Variants in CUX2 observed in about 807,000 individuals in gnomAD.
CUX2 encodes homeobox protein cut-like 2.
Under a neutral mutation model 144.8 loss-of-function variants are expected in CUX2, and 40 were observed. That is an observed-to-expected ratio of 0.28 (90% CI 0.21 to 0.36). The LOEUF is 0.36. Ranked by LOEUF, CUX2 falls within the 10% of genes least tolerant of loss-of-function variation. The probability of loss-of-function intolerance (pLI) is 1.00; values close to 1 mark genes in which losing one functional copy is unlikely to be tolerated. For synonymous variants in CUX2, 827 were observed against 875.6 expected (o/e 0.94, Z 0.98); for missense variants, 1,615 against 1,994.0 (o/e 0.81, Z 3.62).
chr12:111,117,265 G>A (rs113849551), intron 1 of CUX2, among the ~76,000 whole-genome samples: 12 of 152,236 alleles, frequency 7.9e-5, no homozygotes, highest in Admixed American at 1.3e-4. Context: ...TTTCATACTC[G>A]CATGACCCAT....
chr12:111,228,934 C>T (rs1882320619), intron 3 of CUX2, among the ~76,000 whole-genome samples: 1 of 152,018 alleles, frequency 6.6e-6, no homozygotes, highest in Non-Finnish European at 1.5e-5. Flanking sequence ...AGGCTGACCC[C>T]AGTAAACCAC....
At chr12:111,238,446 T>C (rs1376228025) in intron 3 of CUX2, among the ~76,000 whole-genome samples, 1 of 152,202 alleles carries the variant, frequency 6.6e-6, no homozygotes, top group Non-Finnish European at 1.5e-5. Flanking sequence ...CACTTCATTA[T>C]CCTCCATGAC....
At chr12:111,345,938 C>T (rs1199861849) in intron 21 of CUX2, among the ~76,000 whole-genome samples, 7 of 141,550 alleles carry the variant, frequency 4.9e-5, no homozygotes, top group African/African-American at 1.6e-4. Flanking sequence ...GGTGAAACCC[C>T]GTCTCTACTA....
intron 4 of CUX2, among the ~76,000 whole-genome samples, chr12:111,268,073 A>G (rs1417536152): frequency 1.3e-5 from 2 of 152,170 alleles, no homozygotes; most frequent in Non-Finnish European, 2.9e-5. Context: ...CTGGGATTAC[A>G]GGTGTAAGCC....
intron 1 of CUX2, among the ~76,000 whole-genome samples, chr12:111,098,720 C>G (rs1265582197): frequency 6.7e-6 from 1 of 149,562 alleles, no homozygotes; most frequent in African/African-American, 2.6e-5. Flanking sequence ...TCACCTCCCT[C>G]TCTCTAGCAA....
intron 1 of CUX2, among the ~76,000 whole-genome samples, chr12:111,124,500 A>G (rs1013231942): frequency 3.3e-5 from 5 of 152,164 alleles, no homozygotes; most frequent in African/African-American, 7.2e-5. Flanking sequence ...GGCTCCTATG[A>G]CCTACAGTCA....
At chr12:111,214,416 A>C (rs1313851626) in intron 2 of CUX2, 106 bp downstream of exon 2, 21 of 656,846 alleles carry the variant, frequency 3.2e-5, no homozygotes, top group Non-Finnish European at 5.0e-5. Context: ...ACAAGAAAAG[A>C]AGCTAATTAG....
chr12:111,345,834 G>A (rs1888780356), intron 21 of CUX2, among the ~76,000 whole-genome samples: 1 of 150,892 alleles, frequency 6.6e-6, no homozygotes, highest in African/African-American at 2.4e-5. Flanking sequence ...AACAGGCTGG[G>A]TGCGGTGGCT....
chr12:111,293,443 C>A lies in CUX2; in HGVS notation c.437-3C>A. ...GGGGTTTTCCCTCTTTTTCTCCCTG[C>A]AGAGCAGAGAGAGGGGACGTCGCCT... On this transcript the variant is annotated splice_region_variant and splice_polypyrimidine_tract_variant and intron_variant, in intron 5 of 21. Transcript: ENST00000261726. This position sits in a 1 kb window ranked among gnomAD's most constrained non-coding sequence, Gnocchi z 4.5. The A allele has an allele frequency of 6.2e-7, 1 of 1,606,670 alleles. No homozygotes were observed. The highest frequency in any genetic ancestry group is 8.5e-7 in the Non-Finnish European group (1 of 1,177,514).
chr12:111,254,970 C>A (rs966614787), intron 3 of CUX2, among the ~76,000 whole-genome samples: 5 of 152,164 alleles, frequency 3.3e-5, no homozygotes, highest in Non-Finnish European at 7.3e-5. Context: ...CTGCCTTAGC[C>A]TCCTGAGTAG....
At chr12:111,055,589 G>A (rs1345378151) in intron 1 of CUX2, among the ~76,000 whole-genome samples, 1 of 152,266 alleles carries the variant, frequency 6.6e-6, no homozygotes. Context: ...CTGCCTCCCT[G>A]GAGGGGGCGA....
chr12:111,319,904 A>G, intron 16 of CUX2, 108 bp from the exon 17 acceptor site: 1 of 1,372,722 alleles, frequency 7.3e-7, no homozygotes, highest in Non-Finnish European at 9.4e-7. Context: ...CTGGACACAG[A>G]GGTTGCCTGG....
At chr12:111,145,498 A>C (rs535685705) in intron 1 of CUX2, among the ~76,000 whole-genome samples, 3 of 152,226 alleles carry the variant, frequency 2.0e-5, no homozygotes, top group Non-Finnish European at 4.4e-5. Flanking sequence ...CCTCCCAAGC[A>C]GCTGGGAATA....
chr12:111,120,324 C>T (rs1874570132), intron 1 of CUX2, among the ~76,000 whole-genome samples: 1 of 152,064 alleles, frequency 6.6e-6, no homozygotes, highest in South Asian at 2.1e-4. Context: ...AGCTGGTGCA[C>T]TTAGATGTGA....
At chr12:111,257,778 ATCC>A (rs923948685) in intron 3 of CUX2, among the ~76,000 whole-genome samples, 3 of 125,678 alleles carry the variant, frequency 2.4e-5, no homozygotes, top group African/African-American at 9.2e-5. Context: ...CCCTTCCTCC[ATCC>A]TCCTCCTCCT....
intron 1 of CUX2, among the ~76,000 whole-genome samples, chr12:111,040,656 C>T (rs1274648762): frequency 6.6e-6 from 1 of 152,182 alleles, no homozygotes; most frequent in South Asian, 2.1e-4. Flanking sequence ...GCTAAGGACA[C>T]CCCAGAGGGT....
chr12:111,084,758 G>A (rs979634472), intron 1 of CUX2, among the ~76,000 whole-genome samples: 4 of 152,292 alleles, frequency 2.6e-5, no homozygotes, highest in South Asian at 2.1e-4. Flanking sequence ...AAAGCTTTGC[G>A]GCAGCGACGG....
chr12:111,177,973 A>G (rs1878957188), intron 1 of CUX2, among the ~76,000 whole-genome samples: 1 of 152,264 alleles, frequency 6.6e-6, no homozygotes. Flanking sequence ...TCAATAAGTT[A>G]TAGCTGTCAT....
At chr12:111,201,998 G>A (rs777821918) in intron 1 of CUX2, among the ~76,000 whole-genome samples, 1 of 152,212 alleles carries the variant, frequency 6.6e-6, no homozygotes, top group Non-Finnish European at 1.5e-5. Flanking sequence ...AGAAGATGCA[G>A]TGGGCCAAGG....
Sources: allele counts gnomAD v4.1 joint callset (sites outside exome capture counted in the v4.1 genomes callset), GRCh38; gene constraint gnomAD v4.1.1; non-coding constraint Gnocchi (gnomAD v3.1); transcripts MANE v1.5; gene names NCBI Gene and HGNC (gene_info 2026-07-23, HGNC 2026-07-21).